SPOCK2: variants seen among roughly 807,000 people sequenced by gnomAD.
The protein encoded by SPOCK2 is testican-2.
In SPOCK2, 39 loss-of-function variants were observed where a neutral mutation model predicts 60.1. The ratio of observed to expected loss-of-function variants is 0.65; its 90% CI spans 0.50 to 0.85. The LOEUF (loss-of-function observed/expected upper bound fraction) is 0.85. Among genes scored for constraint, SPOCK2 ranks in the 40% least tolerant of loss-of-function variants. SPOCK2 has a pLI of 0.00. For missense variants in SPOCK2, 523 were observed against 567.4 expected (o/e 0.92, Z 0.80); for synonymous variants, 217 against 231.5 (o/e 0.94, Z 0.57).
chr10:72,073,545 A>C (rs79955901), intron 1 of SPOCK2, among the ~76,000 whole-genome samples: 2,263 of 152,310 alleles, frequency 0.015, 61 homozygotes, highest in African/African-American at 0.049. Context: ...AGGACCCAGA[A>C]AGGGTCCTAC....
chr10:72,070,908 GTCCTGGACCTGCAT>G (rs1840638757), intron 4 of SPOCK2, among the ~76,000 whole-genome samples: 1 of 152,132 alleles, frequency 6.6e-6, no homozygotes, highest in Admixed American at 6.5e-5. Flanking sequence ...AAGCATGGGA[GTCCTGGACCTGCAT>G]TCCTACATAG....
intron 1 of SPOCK2, among the ~76,000 whole-genome samples, chr10:72,082,235 G>C (rs1439471277): frequency 3.3e-5 from 5 of 152,224 alleles, no homozygotes; most frequent in Non-Finnish European, 7.3e-5. Context: ...CAAGCCCTTG[G>C]GCGGTCAGAG....
At chr10:72,063,743 T>G (rs1122575) in intron 9 of SPOCK2, among the ~76,000 whole-genome samples, 95,662 of 152,154 alleles carry the variant, frequency 0.63, 31,523 homozygotes, top group African/African-American at 0.85. Context: ...GAGTGCATCC[T>G]TCTTGCCATC....
chr10:72,063,212 G>T, intron 9 of SPOCK2, 50 bp from the exon 10 acceptor site: 1 of 1,548,356 alleles, frequency 6.5e-7, no homozygotes, highest in Non-Finnish European at 8.7e-7. Context: ...CAGGCTGTGG[G>T]CCCCTCAGAG....
At position 72,062,763 on chromosome 10, in the gene SPOCK2, C is replaced by A; in HGVS notation, c.1272G>T (p.Trp424Cys). Reference protein sequence around the residue: ...AGEADDGGYIW With the variant: ...AGEADDGGYIC ...GGCAGCCGGCTCCTGAGGGCGTCTA[C>A]CAGATGTAGCCCCCGTCGTCAGCCT... Residue 424 changes from tryptophan to cysteine, a missense_variant, in exon 11 of 11, where the codon TGG (tryptophan) becomes TGT (cysteine). Physicochemically the swap from Trp to Cys is radical, Grantham distance 215. Coordinates refer to ENST00000373109, the MANE Select transcript of SPOCK2 (RefSeq NM_001244950.2). This position sits in a 1 kb window ranked among gnomAD's most constrained non-coding sequence, Gnocchi z 4.3. The A allele has an allele frequency of 6.2e-7, 1 of 1,603,096 alleles. No homozygotes were observed.
At position 72,072,195 on chromosome 10, in the gene SPOCK2, G is replaced by T. The variant is rs775206540; in HGVS notation, c.308C>A (p.Ala103Asp). 12 of 1,560,508 alleles carry T rather than the reference G, an allele frequency of 7.7e-6. No individual in the cohort carries two copies. In the East Asian group the frequency reaches 2.8e-4, roughly 37 times the overall value. ...GCACATGGCCCGCTGGTAGCCCTGG[G>T]CAATGCACACCTTGTGGCGGCTGCA... ...VKCSRHKVCIAQGYQRAMCIS... is the reference protein window; with the variant it reads ...VKCSRHKVCIDQGYQRAMCIS... The change falls in exon 4 of 11, where the codon GCC (alanine) becomes GAC (aspartate). Residue 103 changes from alanine (A) to aspartate (D), a missense_variant. Physicochemically the swap from Ala to Asp is moderately radical, Grantham distance 126. Coordinates refer to ENST00000373109, the MANE Select transcript of SPOCK2 (RefSeq NM_001244950.2).
intron 1 of SPOCK2, among the ~76,000 whole-genome samples, chr10:72,075,341 A>G (rs1480535367): frequency 1.3e-5 from 2 of 151,944 alleles, no homozygotes; most frequent in Non-Finnish European, 2.9e-5. Context: ...GGAGGGAGGT[A>G]TGAGCCCTCA....
chr10:72,066,503 A>T (rs1452958160), intron 8 of SPOCK2, among the ~76,000 whole-genome samples: 96 of 123,968 alleles, frequency 7.7e-4, no homozygotes, highest in East Asian at 2.1e-3. Flanking sequence ...ATGCCTGGCT[A>T]TTTTTTTTTT....
At chr10:72,085,686 T>G (rs79756168) in intron 1 of SPOCK2, among the ~76,000 whole-genome samples, 3 of 152,196 alleles carry the variant, frequency 2.0e-5, no homozygotes, top group African/African-American at 7.2e-5. Context: ...TTTGGGGTTA[T>G]GAACAAGGTC....
intron 5 of SPOCK2, 129 bp downstream of exon 5, chr10:72,070,183 C>G (rs547553157): frequency 1.9e-4 from 158 of 819,414 alleles, no homozygotes; most frequent in Middle Eastern, 7.2e-4. Context: ...ATTGAACACA[C>G]TGACCTTGCC....
At chr10:72,063,293 A>AC in intron 9 of SPOCK2, 131 bp from the exon 10 acceptor site, 3 of 1,322,890 alleles carry the variant, frequency 2.3e-6, no homozygotes, top group East Asian at 2.5e-5. Context: ...CCGGGTGCTG[A>AC]CCCCCCAACA....
Position 72,087,122 on chromosome 10 carries a change from C to T in SPOCK2, c.189+1018G>A, listed in dbSNP as rs1389241333. Reference sequence around the variant, plus strand: ...ATCCGGGCCCATCCCCCACAGCACCCCCAACGATCTCGGGGTCCAGCCACA... The same window carrying T: ...ATCCGGGCCCATCCCCCACAGCACCTCCAACGATCTCGGGGTCCAGCCACA... On this transcript the variant is annotated intron_variant, in intron 1 of 10. Coordinates refer to ENST00000373109, the MANE Select transcript of SPOCK2 (RefSeq NM_001244950.2). This position sits in a 1 kb window ranked among gnomAD's most constrained non-coding sequence, Gnocchi z 4.7. 3 of 1,003,090 alleles carry T rather than the reference C, an allele frequency of 3.0e-6. No individual in the cohort carries two copies. Among genetic ancestry groups the T allele is most frequent in the East Asian group, 2.8e-5 (1 of 35,180 alleles). 62.1% of individuals were successfully genotyped at this position (1,003,090 alleles called of 1,614,324 possible). A position where few individuals can be genotyped will look rare whatever the true frequency, so the allele number is the denominator to read the frequency against.
At chr10:72,084,404 C>T (rs1252856468) in intron 1 of SPOCK2, among the ~76,000 whole-genome samples, 3 of 152,240 alleles carry the variant, frequency 2.0e-5, no homozygotes, top group Non-Finnish European at 2.9e-5. Flanking sequence ...CAGGCCAGAG[C>T]TGTCCCAGCA....
rs1271386013 is a variant in SPOCK2 at position 72,087,017 on chromosome 10, G to GAAGA, written c.189+1122_189+1123insTCTT. ...CCTGGGGAAGGAGGAGTAAGGGCCA[G>GAAGA]GGTCCTAGAAGAGGTTTTCTGGGGT... On this transcript the variant is annotated intron_variant, in intron 1 of 10. Coordinates refer to ENST00000373109, the MANE Select transcript of SPOCK2 (RefSeq NM_001244950.2). The surrounding 1 kb of genome is among the most constrained non-coding windows in gnomAD (Gnocchi z 4.7). 2 of 1,550,964 alleles carry GAAGA rather than the reference G, an allele frequency of 1.3e-6. No individual in the cohort carries two copies. Among genetic ancestry groups the GAAGA allele is most frequent in the East Asian group, 4.9e-5 (2 of 40,920 alleles).
intron 1 of SPOCK2, among the ~76,000 whole-genome samples, chr10:72,085,935 C>T (rs1840849365): frequency 6.6e-6 from 1 of 152,184 alleles, no homozygotes; most frequent in Non-Finnish European, 1.5e-5. Flanking sequence ...TGCACAACTT[C>T]AGGGGGCACC....
In SPOCK2 at chr10:72,064,193, C is replaced by A; in HGVS notation, c.976G>T (p.Ala326Ser). The change falls in exon 9 of 11, where the codon GCC becomes TCC. Residue 326 changes from alanine to serine, a missense_variant. Ala to Ser is a moderately conservative substitution (Grantham distance 99). Coordinates refer to ENST00000373109, the MANE Select transcript of SPOCK2 (RefSeq NM_001244950.2). ...GGCCCCTCACCTGGCTTCTTCTTGGCGGCCTCCTGGATCTGGATGCGCTCC... is the reference window on the plus strand; with the variant it reads ...GGCCCCTCACCTGGCTTCTTCTTGGAGGCCTCCTGGATCTGGATGCGCTCC... Reference protein sequence around the residue: ...ELERIQIQEAAKKKPGIFIPS... With the variant: ...ELERIQIQEASKKKPGIFIPS... 6.2e-7 allele frequency: 1 copy of A among 1,611,456 alleles called. No individual in the cohort carries two copies. Among genetic ancestry groups the A allele is most frequent in the Non-Finnish European group, 8.5e-7 (1 of 1,179,146 alleles).
chr10:72,070,523 A>T, intron 4 of SPOCK2, 97 bp from the exon 5 acceptor site: 1 of 1,170,500 alleles, frequency 8.5e-7, no homozygotes, highest in Non-Finnish European at 1.2e-6. Flanking sequence ...ACAGGAAGGC[A>T]GCAGCAATCT....
Position 72,067,682 on chromosome 10 carries a change from A to G in SPOCK2, c.640T>C (p.Trp214Arg). Residue 214 changes from tryptophan (W) to arginine (R), a missense_variant, in exon 7 of 11, where the codon TGG becomes CGG. Coordinates refer to ENST00000373109, the MANE Select transcript of SPOCK2 (RefSeq NM_001244950.2). ...GAGTTCTCATGAAGGAGCTGGAACC[A>G]GTCCCGCAGCCGATCTCCCAGGTCA... ...LADLGDRLRDWFQLLHENSKQ... is the reference protein window; with the variant it reads ...LADLGDRLRDRFQLLHENSKQ... 1 of 1,613,864 alleles carries G rather than the reference A, an allele frequency of 6.2e-7. No individual in the cohort carries two copies. The highest frequency in any genetic ancestry group is 1.1e-5 in the South Asian group (1 of 91,058).
In SPOCK2 at chr10:72,087,755, G is replaced by A. The variant is rs1183495288; in HGVS notation, c.189+385C>T. Among the ~76,000 whole-genome samples, 3 of 152,206 alleles carry A rather than the reference G, an allele frequency of 2.0e-5. No individual in the cohort carries two copies. Among genetic ancestry groups the A allele is most frequent in the African/African-American group, 7.2e-5 (3 of 41,466 alleles). ...CAGCCTGCAGCATCCCAGCGGCTGG[G>A]GCAGGCCCGGGGGCGGCTCGCACAA... is the stretch of plus-strand genomic sequence containing the variant. On this transcript the variant is annotated intron_variant, in intron 1 of 10. Coordinates refer to ENST00000373109, the MANE Select transcript of SPOCK2 (RefSeq NM_001244950.2). The surrounding 1 kb of genome is among the most constrained non-coding windows in gnomAD (Gnocchi z 4.7).
Sources: allele counts gnomAD v4.1 joint callset (sites outside exome capture counted in the v4.1 genomes callset), GRCh38; gene constraint gnomAD v4.1.1; non-coding constraint Gnocchi (gnomAD v3.1); transcripts MANE v1.5; gene names NCBI Gene and HGNC (gene_info 2026-07-23, HGNC 2026-07-21).